The following UNC45B variants were observed in gnomAD, a reference collection of about 807,000 sequenced individuals.
UNC45B encodes unc-45 myosin chaperone B.
A neutral mutation model predicts 98.7 loss-of-function variants in UNC45B; 78 were observed. That is an observed-to-expected ratio of 0.79 (90% CI 0.66 to 0.95). The LOEUF is 0.95. Ranked by LOEUF, UNC45B falls within the 40% of genes least tolerant of loss-of-function variation. The probability of loss-of-function intolerance (pLI) is 0.00; values close to 1 mark genes in which losing one functional copy is unlikely to be tolerated. For missense variants in UNC45B, 1,225 were observed against 1,184.9 expected (o/e 1.03, Z -0.50); for synonymous variants, 462 against 480.4 (o/e 0.96, Z 0.50).
intron 9 of UNC45B, among the ~76,000 whole-genome samples, chr17:35,165,199 G>A (rs1032913317): frequency 6.6e-6 from 1 of 152,156 alleles, no homozygotes; most frequent in African/African-American, 2.4e-5. Context: ...GGCTTCTGTG[G>A]TTGAAAGGAA....
chr17:35,166,349 C>A (rs2092141224), intron 9 of UNC45B, among the ~76,000 whole-genome samples: 1 of 152,106 alleles, frequency 6.6e-6, no homozygotes, highest in Non-Finnish European at 1.5e-5. Flanking sequence ...TTCTGCTCAC[C>A]CTGACTTTGG....
chr17:35,171,420 C>A lies in UNC45B; in HGVS notation c.1788C>A (p.Leu596=). Residue 596 remains leucine (L), a synonymous_variant, in exon 13 of 20, where the codon CTC becomes CTA. Coordinates refer to ENST00000394570, the MANE Select transcript of UNC45B (RefSeq NM_001267052.2). The part of the protein sequence containing the change: ...VKEVIPELVQ[L]AKFSKQHVPE... ...AGGTCATCCCAGAGCTTGTCCAGCT[C>A]GCCAAGTTCTCCAAGCAGCATGTGC... 6.2e-7 allele frequency: 1 copy of A among 1,614,094 alleles called. No individual in the cohort carries two copies. The highest frequency in any genetic ancestry group is 8.5e-7 in the Non-Finnish European group (1 of 1,180,016).
At position 35,180,289 on chromosome 17, in the gene UNC45B, A is replaced by AGAGAGAGAGAGAGAGAGAGAG. The variant is rs57021893; in HGVS notation, c.2256-270_2256-269insGAGAGAGAGAGAGAGAGAGAG. On this transcript the variant is annotated intron_variant, in intron 17 of 19. Coordinates refer to ENST00000394570, the MANE Select transcript of UNC45B (RefSeq NM_001267052.2). ...GAGAGAGAGAGAGAGAGAGAGAGAGAATTTCTTTACTGCAATAATACAGAG... is the reference window on the plus strand; with the variant it reads ...GAGAGAGAGAGAGAGAGAGAGAGAGAGAGAGAGAGAGAGAGAGAGAGATTTCTTTACTGCAATAATACAGAG... Among the ~76,000 whole-genome samples, 3 of 147,302 alleles carry AGAGAGAGAGAGAGAGAGAGAG rather than the reference A, an allele frequency of 2.0e-5. No homozygotes were observed. In the East Asian group the frequency reaches 6.0e-4, roughly 29 times the overall value.
intron 17 of UNC45B, among the ~76,000 whole-genome samples, chr17:35,179,869 C>T (rs1034085049): frequency 2.0e-5 from 3 of 151,218 alleles, no homozygotes; most frequent in East Asian, 1.9e-4. Context: ...CAAACCTGCA[C>T]GTTGTGCACA....
intron 17 of UNC45B, among the ~76,000 whole-genome samples, chr17:35,177,917 C>A (rs965957539): frequency 1.0e-4 from 15 of 146,160 alleles, no homozygotes; most frequent in African/African-American, 3.8e-4. Flanking sequence ...CTTTTCTTAT[C>A]AAGACCGAGT....
rs752208888 is a variant in UNC45B, at chr17:35,186,398, G to T, written c.2629G>T (p.Asp877Tyr). 6.2e-7 allele frequency: 1 copy of T among 1,614,204 alleles called. No homozygotes were observed. Among genetic ancestry groups the T allele is most frequent in the Non-Finnish European group, 8.5e-7 (1 of 1,180,044 alleles). ...CATTGCCTACAACCTACTGGCAGCC[G>T]ATGCTGAGCTGGCCAAGAAGCTGGT... ...LVIAYNLLAADAELAKKLVES... is the reference protein window; with the variant it reads ...LVIAYNLLAAYAELAKKLVES... Residue 877 changes from aspartate to tyrosine, a missense_variant, in exon 20 of 20, where the codon GAT becomes TAT. Transcript: ENST00000394570.
intron 13 of UNC45B, among the ~76,000 whole-genome samples, chr17:35,174,035 TCTC>T (rs200756680): frequency 0.015 from 2,296 of 152,026 alleles, 62 homozygotes; most frequent in African/African-American, 0.053. Flanking sequence ...ATGGTCTTGA[TCTC>T]CTAACCTCGT....
chr17:35,150,119 C>A lies in UNC45B; in HGVS notation c.277C>A (p.Leu93Met). Residue 93 changes from leucine to methionine, a missense_variant, in exon 4 of 20, where the codon CTG becomes ATG. Transcript: ENST00000394570. ...RCQALEHLGK[L>M]DQAFKDVQRC... ...CCAGGCACTGGAGCACCTGGGGAAGCTGGACCAGGCCTTCAAAGACGTGCA... is the reference window on the plus strand; with the variant it reads ...CCAGGCACTGGAGCACCTGGGGAAGATGGACCAGGCCTTCAAAGACGTGCA... 6.2e-7 allele frequency: 1 copy of A among 1,613,730 alleles called. No homozygotes were observed. Among genetic ancestry groups the A allele is most frequent in the Non-Finnish European group, 8.5e-7 (1 of 1,179,822 alleles).
In UNC45B at chr17:35,154,601, C is replaced by G. The variant is rs142719029; in HGVS notation, c.499C>G (p.Arg167Gly). The G allele has an allele frequency of 2.5e-6, 4 of 1,613,434 alleles. No homozygotes were observed. The African/African-American group carries it at 4.0e-5, about 16-fold the overall frequency. Residue 167 changes from arginine to glycine, a missense_variant, in exon 6 of 20, where the codon CGT (arginine) becomes GGT (glycine). Physicochemically the swap from Arg to Gly is moderately radical, Grantham distance 125. Coordinates refer to ENST00000394570, the MANE Select transcript of UNC45B (RefSeq NM_001267052.2). ...KAANNLIVLG[R>G]EEAGAEKIFQ... The stretch of plus-strand genomic sequence containing the variant: ...TGCCAACAATCTCATTGTCCTAGGC[C>G]GTGAGGAAGCAGGGGCTGAGAAGAT...
At chr17:35,166,107 AAAAATTAAAAAT>A (rs2092138653) in intron 9 of UNC45B, among the ~76,000 whole-genome samples, 1 of 148,416 alleles carries the variant, frequency 6.7e-6, no homozygotes, top group Non-Finnish European at 1.5e-5. Context: ...AAAAAAAAAA[AAAAATTAAAAAT>A]GAGTCAAGTG....
intron 7 of UNC45B, among the ~76,000 whole-genome samples, chr17:35,158,294 T>A (rs559732149): frequency 6.6e-6 from 1 of 152,248 alleles, no homozygotes; most frequent in Non-Finnish European, 1.5e-5. Flanking sequence ...TGGCTGGCAG[T>A]CAACTGGAAA....
chr17:35,149,101 G>A (rs2091998053), intron 3 of UNC45B, 92 bp downstream of exon 3: 7 of 1,455,592 alleles, frequency 4.8e-6, no homozygotes, highest in African/African-American at 2.8e-5. Flanking sequence ...GGAAGAAACA[G>A]TGAGTATGGA....
chr17:35,176,051 C>T lies in UNC45B; in HGVS notation c.2025+17C>T. The T allele has an allele frequency of 6.2e-7, 1 of 1,613,728 alleles. No individual in the cohort carries two copies. The highest frequency in any genetic ancestry group is 8.5e-7 in the Non-Finnish European group (1 of 1,179,722). ...GGTGGCAAGGTAACTGGGCAGGTGC[C>T]TTCCTAGAAGGTGCCTTTGTGCATG... On this transcript the variant is annotated intron_variant, in intron 15 of 19. Transcript: ENST00000394570.
rs199575161 is a variant in UNC45B, at chr17:35,174,346, C to T, written c.1935C>T (p.Asp645=). ...AAGCAGATAGTGCCATCCTCACTGACCAGACCAAGGAGCTGCTGGCCAGGT... is the reference window on the plus strand; with the variant it reads ...AAGCAGATAGTGCCATCCTCACTGATCAGACCAAGGAGCTGCTGGCCAGGT... ...MVKADSAILT[D]QTKELLARVF... The change falls in exon 14 of 20, where the codon GAC becomes GAT. Residue 645 remains aspartate (D), a synonymous_variant. Transcript: ENST00000394570. 2.5e-6 allele frequency: 4 copies of T among 1,614,046 alleles called. No homozygotes were observed. Among genetic ancestry groups the T allele is most frequent in the Non-Finnish European group, 3.4e-6 (4 of 1,180,014 alleles).
chr17:35,175,900 TGC>T, intron 14 of UNC45B, 66 bp from the exon 15 acceptor site: 1 of 1,282,864 alleles, frequency 7.8e-7, no homozygotes, highest in Non-Finnish European at 1.1e-6. Flanking sequence ...CTGGCTGGCC[TGC>T]TGCTGCTGCT....
At chr17:35,161,577 A>G (rs1015496803) in intron 8 of UNC45B, among the ~76,000 whole-genome samples, 9 of 152,180 alleles carry the variant, frequency 5.9e-5, no homozygotes, top group African/African-American at 2.4e-5. Flanking sequence ...GTTACTCCCC[A>G]GCCCTACTGA....
intron 3 of UNC45B, 29 bp downstream of exon 3, chr17:35,149,038 C>G: frequency 6.2e-7 from 1 of 1,613,868 alleles, no homozygotes; most frequent in Non-Finnish European, 8.5e-7. Flanking sequence ...CAAGCTTGCC[C>G]TGTCACATTC....
At chr17:35,181,044 C>T (rs901272300) in intron 18 of UNC45B, among the ~76,000 whole-genome samples, 12 of 152,214 alleles carry the variant, frequency 7.9e-5, no homozygotes, top group Admixed American at 5.2e-4. Flanking sequence ...TTTATTGAAG[C>T]TCCACATATA....
At chr17:35,177,245 G>A (rs920499898) in intron 16 of UNC45B, 115 bp downstream of exon 16, 25 of 989,220 alleles carry the variant, frequency 2.5e-5, no homozygotes, top group Middle Eastern at 2.9e-4. Context: ...GCTGTCACAC[G>A]GAGGGTGATG....
Sources: gnomAD v4.1 joint callset for allele counts (sites outside exome capture counted in the v4.1 genomes callset) on GRCh38, gnomAD v4.1.1 for gene constraint, MANE v1.5 for transcripts, NCBI Gene and HGNC (gene_info 2026-07-23, HGNC 2026-07-21) for gene names.